Variants in TMEM217 observed in about 807,000 individuals in gnomAD.
The protein encoded by TMEM217 is chromosome 6 open reading frame 128.
For synonymous variants in TMEM217, 76 were observed against 88.3 expected, an observed-to-expected ratio of 0.86 and a Z score of 0.78; for missense variants, 204 against 248.8, an observed-to-expected ratio of 0.82 and a Z score of 1.21.
At chr6:37,257,071 G>A (rs924997957) in intron 1 of TMEM217, among the ~76,000 whole-genome samples, 2 of 152,162 alleles carry the variant, frequency 1.3e-5, no homozygotes, top group African/African-American at 4.8e-5. Context: ...GCAATACTGT[G>A]TCCTTCAAAG....
At chr6:37,250,314 T>C (rs1014334014) in intron 1 of TMEM217, among the ~76,000 whole-genome samples, 1 of 152,174 alleles carries the variant, frequency 6.6e-6, no homozygotes, top group African/African-American at 2.4e-5. Context: ...TCTAAGGTAT[T>C]GGTAATATCC....
chr6:37,233,443 C>A (rs760807061), intron 1 of TMEM217, among the ~76,000 whole-genome samples: 31 of 152,186 alleles, frequency 2.0e-4, no homozygotes, highest in Non-Finnish European at 4.4e-4. Context: ...GCAGGGCTGG[C>A]TTTCCCTGCT....
At chr6:37,237,031 A>C (rs1224164135) in intron 1 of TMEM217, among the ~76,000 whole-genome samples, 3 of 152,298 alleles carry the variant, frequency 2.0e-5, no homozygotes, top group Non-Finnish European at 1.5e-5. Flanking sequence ...AAAAAGAGCA[A>C]GCCAGATGGA....
chr6:37,233,395 C>T (rs966302743), intron 1 of TMEM217, among the ~76,000 whole-genome samples: 109 of 152,254 alleles, frequency 7.2e-4, no homozygotes, highest in African/African-American at 2.5e-3. Context: ...ATTTATTTCT[C>T]AGTTTTGGAG....
At chr6:37,214,376 C>T (rs545254817), downstream of TMEM217, among the ~76,000 whole-genome samples, 3 of 152,116 alleles carry the variant, frequency 2.0e-5, no homozygotes, top group East Asian at 3.9e-4. Flanking sequence ...TACAAGCGTG[C>T]GCCAGCATGC....
intron 1 of TMEM217, among the ~76,000 whole-genome samples, chr6:37,227,292 T>A (rs1244279168): frequency 6.6e-6 from 1 of 152,236 alleles, no homozygotes; most frequent in East Asian, 1.9e-4. Flanking sequence ...ATCTGAGTCA[T>A]CTTCCTCACT....
chr6:37,252,607 GTATGTGTGTGTA>G (rs200254758), intron 1 of TMEM217, among the ~76,000 whole-genome samples: 14 of 35,868 alleles, frequency 3.9e-4, no homozygotes, highest in African/African-American at 1.6e-3. Flanking sequence ...GTGTGTGTGT[GTATGTGTGTGTA>G]TATATATATA....
downstream of TMEM217, chr6:37,212,847 G>A (rs1243394415): frequency 2.6e-5 from 32 of 1,244,848 alleles, 1 homozygote; most frequent in Non-Finnish European, 3.2e-5. Context: ...TTGAGTCCAC[G>A]TAGATGCTGA....
intron 1 of TMEM217, among the ~76,000 whole-genome samples, chr6:37,240,007 G>A (rs1168662055): frequency 6.6e-6 from 1 of 152,042 alleles, no homozygotes; most frequent in Admixed American, 6.6e-5. Flanking sequence ...GGCAGTGGCA[G>A]CCTAGCACTT....
chr6:37,254,506 T>G (rs1765606593), intron 1 of TMEM217, among the ~76,000 whole-genome samples: 1 of 152,174 alleles, frequency 6.6e-6, no homozygotes, highest in Non-Finnish European at 1.5e-5. Context: ...ATACAATCTT[T>G]CTCAGAGAAG....
intron 1 of TMEM217, among the ~76,000 whole-genome samples, chr6:37,229,349 T>TTGTTTG (rs1554171004): frequency 6.7e-5 from 9 of 134,792 alleles, no homozygotes; most frequent in Non-Finnish European, 1.4e-4. Context: ...TTTTTTTTTT[T>TTGTTTG]TTTTTTTTTT....
At chr6:37,240,351 C>G (rs1052094937) in intron 1 of TMEM217, among the ~76,000 whole-genome samples, 3 of 152,166 alleles carry the variant, frequency 2.0e-5, no homozygotes, top group Non-Finnish European at 4.4e-5. Context: ...CATCCAAGCT[C>G]GCTCTCTCTG....
chr6:37,235,880 C>G (rs144943260), intron 1 of TMEM217, among the ~76,000 whole-genome samples: 56 of 152,292 alleles, frequency 3.7e-4, no homozygotes, highest in African/African-American at 1.3e-3. Flanking sequence ...GACTTAATCC[C>G]TTCCCCAAAG....
chr6:37,214,146 T>C (rs1763060109), downstream of TMEM217, among the ~76,000 whole-genome samples: 1 of 152,234 alleles, frequency 6.6e-6, no homozygotes, highest in African/African-American at 2.4e-5. Context: ...TTTAGCCCTT[T>C]TTGAATGTGC....
downstream of TMEM217, chr6:37,212,926 A>G: frequency 6.5e-7 from 1 of 1,550,316 alleles, no homozygotes; most frequent in African/African-American, 1.4e-5. Flanking sequence ...GGTATTAAGG[A>G]CAGAGAAGAT....
downstream of TMEM217, among the ~76,000 whole-genome samples, chr6:37,213,916 C>T (rs1763045723): frequency 6.6e-6 from 1 of 152,186 alleles, no homozygotes; most frequent in African/African-American, 2.4e-5. Context: ...CACAGTCACA[C>T]ATTAGGAGAA....
At chr6:37,220,288 A>G (rs1226923537) in intron 1 of TMEM217, among the ~76,000 whole-genome samples, 4 of 152,220 alleles carry the variant, frequency 2.6e-5, no homozygotes, top group Non-Finnish European at 4.4e-5. Flanking sequence ...TTATTTGCCA[A>G]TCTAGGCACA....
chr6:37,217,804 G>T (rs958777582), exon 2 of TMEM217: 55 of 985,356 alleles, frequency 5.6e-5, no homozygotes, highest in Non-Finnish European at 6.3e-5. Flanking sequence ...TTAAAGAGTT[G>T]TGGGTTGAAG....
At chr6:37,212,364 C>T (rs999097224) in exon 4 of TMEM217, 16 of 369,700 alleles carry the variant, frequency 4.3e-5, no homozygotes, top group Non-Finnish European at 7.5e-5. Flanking sequence ...GGGAGGGTTC[C>T]ATTGTTGAGG....
Sources: allele counts gnomAD v4.1 joint callset (sites outside exome capture counted in the v4.1 genomes callset), GRCh38; gene constraint gnomAD v4.1.1; transcripts MANE v1.5; gene names NCBI Gene and HGNC (gene_info 2026-07-23, HGNC 2026-07-21).